TLR8: variants seen among roughly 807,000 people sequenced by gnomAD.
The protein encoded by TLR8 is toll like receptor 8.
In TLR8, 5 loss-of-function variants were observed where a neutral mutation model predicts 18.5. That is an observed-to-expected ratio of 0.27 (90% CI 0.14 to 0.57). TLR8 has a LOEUF of 0.57. Among genes scored for constraint, TLR8 ranks in the 20% least tolerant of loss-of-function variants. TLR8 has a pLI of 0.92. For synonymous variants in TLR8, 299 were observed against 300.1 expected, an observed-to-expected ratio of 1.00 and a Z score of 0.04; for missense variants, 543 against 769.8, an observed-to-expected ratio of 0.71 and a Z score of 3.49.
At chrX:12,908,615 C>T (rs1272618107) in intron 1 of TLR8, among the ~76,000 whole-genome samples, 2 of 112,366 alleles carry the variant, frequency 1.8e-5, no homozygotes, top group Non-Finnish European at 3.8e-5. Context: ...TTTTAGAGTT[C>T]CTAAGTATCT....
At chrX:12,906,816 G>A (rs1441090599) in intron 1 of TLR8, 107 bp downstream of exon 1, 1 of 651,546 alleles carries the variant, frequency 1.5e-6, no homozygotes, top group Admixed American at 4.5e-5. Context: ...AGTAATAAAT[G>A]GGCAAATAAG....
Position 12,921,416 on chromosome X carries a change from T to A in TLR8, c.2376T>A (p.Asn792Lys). Residue 792 changes from asparagine to lysine, a missense_variant, in exon 2 of 2, where the codon AAT (asparagine) becomes AAA (lysine). This residue lies in a region of TLR8 where 227 missense variants were observed against 312.9 expected (regional missense o/e 0.73). Transcript: ENST00000218032. ...GAAGATGGATGGATGAACATCTGAA[T>A]GTCAAAATTCCCAGACTGGTAGATG... ...DFRRWMDEHLNVKIPRLVDVI... is the reference protein window; with the variant it reads ...DFRRWMDEHLKVKIPRLVDVI... 1 of 1,212,123 alleles carries A rather than the reference T, an allele frequency of 8.2e-7. No homozygotes were observed. Among genetic ancestry groups the A allele is most frequent in the Non-Finnish European group, 1.1e-6 (1 of 895,573 alleles).
At position 12,908,989 on chromosome X, in the gene TLR8, A is replaced by G. The variant is rs565939929; in HGVS notation, c.3+2280A>G. Among the ~76,000 whole-genome samples the G allele has an allele frequency of 3.0e-4, 34 of 112,244 alleles. 1 individual carries two copies. The South Asian group carries it at 0.012, about 41-fold the overall frequency. On this transcript the variant is annotated intron_variant, in intron 1 of 1. Transcript: ENST00000218032. Reference sequence around the variant, plus strand: ...AATATTAGGGTGTGTTTCACAGGGAAGGATGTCATTACCCACAGTTAGTCT... The same window carrying G: ...AATATTAGGGTGTGTTTCACAGGGAGGGATGTCATTACCCACAGTTAGTCT...
chrX:12,906,791 G>A, intron 1 of TLR8, 82 bp downstream of exon 1: 1 of 883,111 alleles, frequency 1.1e-6, no homozygotes, highest in Non-Finnish European at 1.5e-6. Flanking sequence ...GGTGGCAAAT[G>A]GTGTGAGCCT....
chrX:12,922,441 C>G lies in TLR8; in HGVS notation c.*275C>G. 2 of 316,903 alleles carry G rather than the reference C, an allele frequency of 6.3e-6. No individual in the cohort carries two copies. Among genetic ancestry groups the G allele is most frequent in the South Asian group, 1.6e-4 (2 of 12,849 alleles). 26.1% of individuals were successfully genotyped at this position (316,903 alleles called of 1,213,427 possible). On this transcript the variant is annotated 3_prime_UTR_variant, in exon 2 of 2. Coordinates refer to ENST00000218032, the MANE Select transcript of TLR8 (RefSeq NM_138636.5). ...TGGTTGTTTTCTGGATTCAATTCCT[C>G]CTGGGCTATTGGCCAAAGGCTATAC...
At chrX:12,914,561 T>C (rs1004952084) in intron 1 of TLR8, among the ~76,000 whole-genome samples, 1 of 111,705 alleles carries the variant, frequency 9.0e-6, no homozygotes, top group Non-Finnish European at 1.9e-5. Flanking sequence ...ATGACACCCA[T>C]CCCTCCAGGT....
chrX:12,906,692 T>C lies in TLR8; in HGVS notation c.-15T>C. On this transcript the variant is annotated 5_prime_UTR_variant, in exon 1 of 2. The change abolishes the stop of an existing upstream ORF in the 5' untranslated region. Transcript: ENST00000218032. The stretch of plus-strand genomic sequence containing the variant: ...TGCTGCAAGTTACGGAATGAAAAAT[T>C]AGAACAACAGAAACATGGTAAGCCA... 2.7e-6 allele frequency: 3 copies of C among 1,112,659 alleles called. No individual in the cohort carries two copies. The highest frequency in any genetic ancestry group is 3.5e-6 in the Non-Finnish European group (3 of 851,727). 91.7% of individuals were successfully genotyped at this position (1,112,659 alleles called of 1,213,427 possible).
intron 1 of TLR8, chrX:12,910,159 A>G: frequency 4.4e-6 from 2 of 452,552 alleles, no homozygotes; most frequent in Non-Finnish European, 7.1e-6. Context: ...AGTGGTCAAC[A>G]TTGTTAACTG....
At position 12,919,622 on chromosome X, in the gene TLR8, T is replaced by G; in HGVS notation, c.582T>G (p.Asp194Glu). Residue 194 changes from aspartate (D) to glutamate (E), a missense_variant, in exon 2 of 2, where the codon GAT becomes GAG. Physicochemically the swap from Asp to Glu is conservative, Grantham distance 45. Around this residue, in one of 4 missense-constraint regions of TLR8, gnomAD observed 185 missense variants for 298.9 expected, o/e 0.62. Coordinates refer to ENST00000218032, the MANE Select transcript of TLR8 (RefSeq NM_138636.5). Reference sequence around the variant, plus strand: ...TTTGCGAGAAAACTAACATAGAAGATGGAGTATTTGAAACGCTGACAAATT... The same window carrying G: ...TTTGCGAGAAAACTAACATAGAAGAGGGAGTATTTGAAACGCTGACAAATT... The part of the protein sequence containing the change: ...NKVCEKTNIE[D>E]GVFETLTNLE... The G allele has an allele frequency of 8.3e-7, 1 of 1,211,154 alleles. No homozygotes were observed. Among genetic ancestry groups the G allele is most frequent in the Non-Finnish European group, 1.1e-6 (1 of 895,211 alleles).
intron 1 of TLR8, among the ~76,000 whole-genome samples, chrX:12,909,292 T>C (rs1317988249): frequency 8.9e-6 from 1 of 112,271 alleles, no homozygotes; most frequent in Non-Finnish European, 1.9e-5. Flanking sequence ...TATTATGCAT[T>C]TGTTTTTTAG....
chrX:12,918,766 C>A (rs2043072626), intron 1 of TLR8, among the ~76,000 whole-genome samples: 1 of 111,563 alleles, frequency 9.0e-6, no homozygotes, highest in African/African-American at 3.3e-5. Context: ...AACTCCTGGG[C>A]TCAAACCATC....
intron 1 of TLR8, among the ~76,000 whole-genome samples, chrX:12,915,215 G>C (rs1199224576): frequency 9.0e-6 from 1 of 111,231 alleles, no homozygotes; most frequent in East Asian, 2.8e-4. Flanking sequence ...CCATGCTAGA[G>C]TGCAGTGCGC....
At position 12,920,075 on chromosome X, in the gene TLR8, T is replaced by C. The variant is rs1410798107; in HGVS notation, c.1035T>C (p.Ser345=). 1 of 1,210,140 alleles carries C rather than the reference T, an allele frequency of 8.3e-7. No individual in the cohort carries two copies. The part of the protein sequence containing the change: ...MLPRLEILDL[S]FNYIKGSYPQ... ...CCCGCTTAGAAATACTTGACTTGTC[T>C]TTTAACTATATAAAGGGGAGTTATC... is the stretch of plus-strand genomic sequence containing the variant. Residue 345 remains serine (S), a synonymous_variant, in exon 2 of 2, where the codon TCT becomes TCC. Transcript: ENST00000218032.
intron 1 of TLR8, 33 bp downstream of exon 1, chrX:12,906,742 C>G: frequency 9.2e-7 from 1 of 1,091,578 alleles, no homozygotes; most frequent in South Asian, 2.9e-5. Context: ...GCAAAGCTTT[C>G]CAACAGAATA....
chrX:12,913,951 A>C (rs1386970108), intron 1 of TLR8, among the ~76,000 whole-genome samples: 3 of 111,654 alleles, frequency 2.7e-5, no homozygotes, highest in Non-Finnish European at 3.8e-5. Flanking sequence ...TTTTATGTGA[A>C]CTGTCTGTTA....
In TLR8 at chrX:12,906,745, A is replaced by G. The variant is rs745398681; in HGVS notation, c.3+36A>G. Reference sequence around the variant, plus strand: ...TCTATTTCTTTAGCAAAGCTTTCCAACAGAATATGGGGTTTCTGACCCAGA... The same window carrying G: ...TCTATTTCTTTAGCAAAGCTTTCCAGCAGAATATGGGGTTTCTGACCCAGA... On this transcript the variant is annotated intron_variant, in intron 1 of 1. Coordinates refer to ENST00000218032, the MANE Select transcript of TLR8 (RefSeq NM_138636.5). The G allele has an allele frequency of 4.0e-5, 43 of 1,087,798 alleles. 1 individual carries two copies. The East Asian group carries it at 5.6e-4, about 14-fold the overall frequency. The allele number at this position is 1,087,798 out of a possible 1,213,427, so 89.6% of individuals were successfully genotyped here.
At chrX:12,913,723 C>T (rs1386127631) in intron 1 of TLR8, among the ~76,000 whole-genome samples, 3 of 112,029 alleles carry the variant, frequency 2.7e-5, no homozygotes, top group Non-Finnish European at 5.6e-5. Flanking sequence ...TTGAAATTGC[C>T]AACTCCAAGT....
chrX:12,907,641 C>T (rs961704307), intron 1 of TLR8, among the ~76,000 whole-genome samples: 3 of 111,364 alleles, frequency 2.7e-5, no homozygotes, highest in African/African-American at 9.8e-5. Flanking sequence ...ATTCTCCTGC[C>T]TCAACCTCCC....
rs1248372008 is a variant in TLR8 at position 12,921,459 on chromosome X, G to A, written c.2419G>A (p.Gly807Arg). The A allele has an allele frequency of 1.7e-6, 2 of 1,210,119 alleles. No individual in the cohort carries two copies. Among genetic ancestry groups the A allele is most frequent in the Non-Finnish European group, 2.2e-6 (2 of 895,207 alleles). Residue 807 changes from glycine to arginine, a missense_variant, in exon 2 of 2, where the codon GGG (glycine) becomes AGG (arginine). By Grantham distance (125) the Gly-to-Arg change is moderately radical. This residue lies in a region of TLR8 where 227 missense variants were observed against 312.9 expected (regional missense o/e 0.73). Coordinates refer to ENST00000218032, the MANE Select transcript of TLR8 (RefSeq NM_138636.5). ...GGTAGATGTCATTTGTGCCAGTCCT[G>A]GGGATCAAAGAGGGAAGAGTATTGT... is the stretch of plus-strand genomic sequence containing the variant. ...RLVDVICASP[G>R]DQRGKSIVSL...
Sources: gnomAD v4.1 joint callset for allele counts (sites outside exome capture counted in the v4.1 genomes callset) on GRCh38, gnomAD v4.1.1 for gene constraint, gnomAD v4.1.1 regional missense constraint, MANE v1.5 for transcripts, NCBI Gene and HGNC (gene_info 2026-07-23, HGNC 2026-07-21) for gene names.